The following NSD1 variants were observed in gnomAD, a reference collection of about 807,000 sequenced individuals.
The protein encoded by NSD1 is histone-lysine N-methyltransferase, H3 lysine-36 specific.
NSD1 carries 26 observed loss-of-function variants against 242.7 expected under a neutral mutation model. The ratio of observed to expected loss-of-function variants is 0.11; its 90% CI spans 0.08 to 0.15. The LOEUF (loss-of-function observed/expected upper bound fraction) is 0.15, where lower values mean the gene tolerates loss of function less well. Among genes scored for constraint, NSD1 ranks in the 10% least tolerant of loss-of-function variants. The pLI is 1.00. For missense variants in NSD1, 2,495 were observed against 3,272.8 expected (o/e 0.76, Z 5.80); for synonymous variants, 1,106 against 1,178.1 (o/e 0.94, Z 1.25).
At chr5:177,268,899 T>C (rs1295803213) in intron 15 of NSD1, among the ~76,000 whole-genome samples, 1 of 152,210 alleles carries the variant, frequency 6.6e-6, no homozygotes, top group African/African-American at 2.4e-5. Flanking sequence ...TTTTCCTGTT[T>C]GGACTGTGAA....
intron 10 of NSD1, among the ~76,000 whole-genome samples, chr5:177,247,200 C>T (rs938402082): frequency 3.9e-5 from 6 of 152,134 alleles, no homozygotes; most frequent in Admixed American, 2.6e-4. Flanking sequence ...GAGGCCGAGG[C>T]GGGAAGATAA....
In NSD1 at chr5:177,204,306, A is replaced by C; in HGVS notation, c.1236+14A>C. ...TATAGGCATAAGGTAGGAAACGAAA[A>C]AGGCTTTTTATTGAGTGACAGAAGC... On this transcript the variant is annotated intron_variant, in intron 4 of 22. Coordinates refer to ENST00000439151, the MANE Select transcript of NSD1 (RefSeq NM_022455.5). 6.2e-7 allele frequency: 1 copy of C among 1,611,590 alleles called. No individual in the cohort carries two copies. Among genetic ancestry groups the C allele is most frequent in the Non-Finnish European group, 8.5e-7 (1 of 1,178,180 alleles).
At chr5:177,165,805 C>T (rs369173348) in intron 2 of NSD1, among the ~76,000 whole-genome samples, 4 of 152,098 alleles carry the variant, frequency 2.6e-5, no homozygotes, top group African/African-American at 9.7e-5. Context: ...GCCATAGGCT[C>T]CCACTGTGTT....
At chr5:177,268,980 A>G (rs1331357152) in intron 15 of NSD1, among the ~76,000 whole-genome samples, 2 of 152,144 alleles carry the variant, frequency 1.3e-5, no homozygotes, top group South Asian at 2.1e-4. Flanking sequence ...ATACAAGTAT[A>G]TATTTGGTTT....
Position 177,279,610 on chromosome 5 carries a change from A to ATTTTTT in NSD1, c.5623-932_5623-927dup, listed in dbSNP as rs536478404. 2.3e-3 allele frequency among the ~76,000 whole-genome samples: 215 copies of ATTTTTT among 95,404 alleles called. 15 individuals are homozygous for ATTTTTT. The highest frequency in any genetic ancestry group is 6.6e-3 in the African/African-American group (172 of 25,970). The allele number at this position is 95,404 out of a possible 152,430, so 62.6% of individuals were successfully genotyped here. On this transcript the variant is annotated intron_variant, in intron 17 of 22. Coordinates refer to ENST00000439151, the MANE Select transcript of NSD1 (RefSeq NM_022455.5). ...TTCACCTGGCTTATCAGCTTTGAAA[A>ATTTTTT]TTTTTTTTTTTTTTTTTTTTTTTTT...
chr5:177,189,004 T>A (rs1348036004), intron 2 of NSD1, among the ~76,000 whole-genome samples: 1 of 151,972 alleles, frequency 6.6e-6, no homozygotes, highest in African/African-American at 2.4e-5. Flanking sequence ...GATTGCACCA[T>A]TGCACTCCAG....
Position 177,146,703 on chromosome 5 carries a change from C to T in NSD1, c.927+10673C>T, listed in dbSNP as rs144110347. Among the ~76,000 whole-genome samples the T allele has an allele frequency of 6.6e-4, 100 of 152,024 alleles. No homozygotes were observed. The East Asian group carries it at 7.0e-3, about 11-fold the overall frequency. ...TATAGGTTAGTATATCCATGACTCC[C>T]GTCAACTTTCTAAATGTTCGCTGGG... On this transcript the variant is annotated intron_variant, in intron 2 of 22. Transcript: ENST00000439151.
At chr5:177,161,599 G>C (rs1024937674) in intron 2 of NSD1, among the ~76,000 whole-genome samples, 1 of 151,696 alleles carries the variant, frequency 6.6e-6, no homozygotes, top group African/African-American at 2.4e-5. Context: ...TTGTGCAAAC[G>C]ATTGAAATTA....
chr5:177,295,572 C>T lies in NSD1; in HGVS notation c.*113C>T. 2 of 1,090,738 alleles carry T rather than the reference C, an allele frequency of 1.8e-6. No homozygotes were observed. The highest frequency in any genetic ancestry group is 1.4e-6 in the Non-Finnish European group (1 of 730,670). The allele number at this position is 1,090,738 out of a possible 1,614,324, so 67.6% of individuals were successfully genotyped here. ...AAAACACATCTGCCCCGAACACTTT[C>T]CCACTGTTATTCTTTCCTCATATCC... On this transcript the variant is annotated 3_prime_UTR_variant, in exon 23 of 23. Coordinates refer to ENST00000439151, the MANE Select transcript of NSD1 (RefSeq NM_022455.5). The surrounding 1 kb of genome is among the most constrained non-coding windows in gnomAD (Gnocchi z 4.3).
intron 2 of NSD1, among the ~76,000 whole-genome samples, chr5:177,184,071 A>G (rs542623764): frequency 1.1e-3 from 164 of 152,296 alleles, no homozygotes; most frequent in African/African-American, 2.8e-3. Context: ...AATCTTGGCT[A>G]TTGTGAACAG....
At chr5:177,190,685 T>TTC (rs917920093) in intron 2 of NSD1, among the ~76,000 whole-genome samples, 4 of 151,786 alleles carry the variant, frequency 2.6e-5, no homozygotes, top group African/African-American at 9.7e-5. Context: ...TTTTTTTTTT[T>TTC]CCGAGACGGA....
intron 2 of NSD1, among the ~76,000 whole-genome samples, chr5:177,143,856 C>G (rs1757019366): frequency 6.9e-6 from 1 of 145,912 alleles, no homozygotes; most frequent in Non-Finnish European, 1.5e-5. Flanking sequence ...ACGATCTTGG[C>G]TCACTGCAAC....
At chr5:177,215,242 C>A (rs1763680203) in intron 5 of NSD1, among the ~76,000 whole-genome samples, 1 of 151,090 alleles carries the variant, frequency 6.6e-6, no homozygotes, top group Non-Finnish European at 1.5e-5. Flanking sequence ...TGCAATGGCA[C>A]AATCTCAGTT....
At chr5:177,280,102 C>CA (rs1230826632) in intron 17 of NSD1, among the ~76,000 whole-genome samples, 1 of 144,000 alleles carries the variant, frequency 6.9e-6, no homozygotes, top group Non-Finnish European at 1.5e-5. Context: ...CTCAGCCTCC[C>CA]AAGTAGCTGG....
chr5:177,293,746 C>G (rs1259232011), intron 22 of NSD1, 86 bp from the exon 23 acceptor site: 20 of 1,456,312 alleles, frequency 1.4e-5, no homozygotes, highest in Non-Finnish European at 1.9e-5. Context: ...GGTCATCATC[C>G]ACACCTTCGG....
chr5:177,209,528 CAAAAA>C (rs560987364), intron 4 of NSD1, 103 bp from the exon 5 acceptor site: 37 of 580,906 alleles, frequency 6.4e-5, no homozygotes, highest in Non-Finnish European at 6.8e-5. Flanking sequence ...GACTCTGTCT[CAAAAA>C]AAAAAAAAAA....
chr5:177,173,122 C>T (rs1562152840), intron 2 of NSD1, among the ~76,000 whole-genome samples: 1 of 151,368 alleles, frequency 6.6e-6, no homozygotes, highest in Non-Finnish European at 1.5e-5. Context: ...TAAAACCTGT[C>T]TCTACTAAAA....
At chr5:177,280,412 G>A (rs945949594) in intron 17 of NSD1, among the ~76,000 whole-genome samples, 153 bp from the exon 18 acceptor site, 1 of 152,162 alleles carries the variant, frequency 6.6e-6, no homozygotes, top group Non-Finnish European at 1.5e-5. Flanking sequence ...TATGTCAAGT[G>A]AGGCTCTGTT....
intron 2 of NSD1, among the ~76,000 whole-genome samples, chr5:177,139,591 A>C (rs1756640452): frequency 6.6e-6 from 1 of 152,204 alleles, no homozygotes. Context: ...TAAGTTATTG[A>C]TATAGTAGGT....
Sources: allele counts gnomAD v4.1 joint callset (sites outside exome capture counted in the v4.1 genomes callset), GRCh38; gene constraint gnomAD v4.1.1; non-coding constraint Gnocchi (gnomAD v3.1); transcripts MANE v1.5; gene names NCBI Gene and HGNC (gene_info 2026-07-23, HGNC 2026-07-21).